The following IL10RB variants were observed in gnomAD, a reference collection of about 807,000 sequenced individuals.
IL10RB encodes the protein interleukin-10 receptor subunit beta.
In IL10RB, 30 loss-of-function variants were observed where a neutral mutation model predicts 38.7. The observed-to-expected ratio is 0.78, with a 90% confidence interval of 0.58 to 1.05. IL10RB has a LOEUF of 1.05. Ranked by LOEUF, IL10RB falls within the 50% of genes least tolerant of loss-of-function variation. The probability of loss-of-function intolerance (pLI) is 0.00; values close to 1 mark genes in which losing one functional copy is unlikely to be tolerated. For synonymous variants in IL10RB, 142 were observed against 145.9 expected (o/e 0.97, Z 0.19); for missense variants, 328 against 397.1 (o/e 0.83, Z 1.48).
chr21:33,274,100 A>G (rs1408916446), intron 2 of IL10RB, among the ~76,000 whole-genome samples: 1 of 152,178 alleles, frequency 6.6e-6, no homozygotes, highest in Non-Finnish European at 1.5e-5. Flanking sequence ...GAGGTTTTCA[A>G]TTTACCTTGC....
chr21:33,306,595 C>T (rs1052636676), intron 1 of IL10RB, among the ~76,000 whole-genome samples: 5 of 152,018 alleles, frequency 3.3e-5, no homozygotes, highest in Admixed American at 6.6e-5. Flanking sequence ...TGCAGTGGTG[C>T]GATCATGGCT....
chr21:33,302,945 G>T (rs555572937), intron 1 of IL10RB, among the ~76,000 whole-genome samples: 1 of 152,194 alleles, frequency 6.6e-6, no homozygotes. Flanking sequence ...ACCAGAACTG[G>T]CATAGCCAGT....
intron 6 of IL10RB, among the ~76,000 whole-genome samples, chr21:33,291,802 C>T (rs989910970): frequency 6.6e-6 from 1 of 152,148 alleles, no homozygotes; most frequent in East Asian, 1.9e-4. Flanking sequence ...CGGGGAATGC[C>T]GTCATATCAG....
At chr21:33,285,834 C>T (rs982432626) in intron 5 of IL10RB, among the ~76,000 whole-genome samples, 5 of 152,200 alleles carry the variant, frequency 3.3e-5, no homozygotes, top group African/African-American at 7.2e-5. Flanking sequence ...GGAGACCTCA[C>T]GTGTCCAGCT....
intron 4 of IL10RB, among the ~76,000 whole-genome samples, 167 bp downstream of exon 4, chr21:33,280,085 G>A (rs1190170364): frequency 2.0e-5 from 3 of 152,204 alleles, no homozygotes; most frequent in Non-Finnish European, 4.4e-5. Flanking sequence ...TAAGGGATAT[G>A]TGTAGAGCAG....
At chr21:33,291,963 T>A (rs573649116) in intron 6 of IL10RB, among the ~76,000 whole-genome samples, 9 of 152,288 alleles carry the variant, frequency 5.9e-5, no homozygotes, top group Non-Finnish European at 8.8e-5. Context: ...CCCTGTGCCA[T>A]GTACAGGTGA....
At chr21:33,268,980 A>G (rs996408557) in intron 2 of IL10RB, among the ~76,000 whole-genome samples, 6 of 152,336 alleles carry the variant, frequency 3.9e-5, no homozygotes, top group Admixed American at 3.9e-4. Context: ...CCTTGCTACC[A>G]TATATCACCT....
chr21:33,284,289 C>T (rs1324423711), intron 5 of IL10RB, among the ~76,000 whole-genome samples: 1 of 136,702 alleles, frequency 7.3e-6, no homozygotes, highest in Non-Finnish European at 1.5e-5. Flanking sequence ...AGAGTGAGAC[C>T]CTGCCTCAAA....
At chr21:33,274,934 TAGATGACATCTTAATAGA>T (rs1989142394) in intron 2 of IL10RB, among the ~76,000 whole-genome samples, 2 of 152,196 alleles carry the variant, frequency 1.3e-5, no homozygotes, top group African/African-American at 4.8e-5. Context: ...ATGAAAGTCC[TAGATGACATCTTAATAGA>T]AGGTTGTTTC....
chr21:33,275,850 A>G (rs1208300362), intron 2 of IL10RB, among the ~76,000 whole-genome samples: 1 of 152,256 alleles, frequency 6.6e-6, no homozygotes, highest in Non-Finnish European at 1.5e-5. Context: ...CACTCACAAC[A>G]TCTATTGATT....
intron 6 of IL10RB, among the ~76,000 whole-genome samples, chr21:33,295,483 C>T (rs2082961191): frequency 1.3e-5 from 2 of 151,008 alleles, no homozygotes; most frequent in Admixed American, 1.3e-4. Flanking sequence ...ACCAGCCTGG[C>T]CAGCGTGGTG....
intron 1 of IL10RB, chr21:33,308,151 C>T (rs965762742): frequency 1.3e-5 from 2 of 152,228 alleles, no homozygotes; most frequent in African/African-American, 4.8e-5. Flanking sequence ...ACTGTGCCCT[C>T]TCAGCTGATG....
At chr21:33,278,278 C>T (rs910454097) in intron 3 of IL10RB, among the ~76,000 whole-genome samples, 10 of 152,038 alleles carry the variant, frequency 6.6e-5, no homozygotes, top group Non-Finnish European at 1.2e-4. Context: ...TGCTCTGGAC[C>T]CCCATGACCC....
chr21:33,299,643 G>A (rs540676452), downstream of IL10RB, among the ~76,000 whole-genome samples: 2 of 152,328 alleles, frequency 1.3e-5, no homozygotes, highest in East Asian at 1.9e-4. Flanking sequence ...GGTCTCAGCC[G>A]TAGCTGCACA....
intron 5 of IL10RB, among the ~76,000 whole-genome samples, chr21:33,287,346 G>GTTTT (rs1168394463): frequency 1.3e-5 from 2 of 151,698 alleles, no homozygotes; most frequent in Non-Finnish European, 2.9e-5. Context: ...GCAGGGGTTT[G>GTTTT]TTTGTTTTGG....
chr21:33,284,193 G>A (rs1989331417), intron 5 of IL10RB, among the ~76,000 whole-genome samples: 1 of 151,722 alleles, frequency 6.6e-6, no homozygotes, highest in Non-Finnish European at 1.5e-5. Flanking sequence ...CTACTTGGGA[G>A]GCTGAGGTGG....
intron 4 of IL10RB, among the ~76,000 whole-genome samples, chr21:33,282,697 C>G (rs970133467): frequency 4.6e-5 from 7 of 152,082 alleles, no homozygotes; most frequent in Non-Finnish European, 1.5e-5. Flanking sequence ...GATTCTCGTG[C>G]GCCACCACGC....
chr21:33,276,636 A>G lies in IL10RB; in HGVS notation c.214A>G (p.Thr72Ala). ...AGATAAATGCATGAATACTACCTTG[A>G]CGGAATGTGATTTCTCAAGTCTTTC... ...FQDKCMNTTL[T>A]ECDFSSLSKY... is the part of the protein sequence containing the mutation. The change falls in exon 3 of 7, where the codon ACG becomes GCG. Residue 72 changes from threonine (T) to alanine (A), a missense_variant. Transcript: ENST00000290200. 6.2e-7 allele frequency: 1 copy of G among 1,613,276 alleles called. No individual in the cohort carries two copies. Among genetic ancestry groups the G allele is most frequent in the Non-Finnish European group, 8.5e-7 (1 of 1,179,210 alleles).
At chr21:33,277,158 C>T (rs557970676) in intron 3 of IL10RB, among the ~76,000 whole-genome samples, 26 of 152,032 alleles carry the variant, frequency 1.7e-4, no homozygotes, top group Admixed American at 5.2e-4. Context: ...AAATATGATG[C>T]GGACAGCCGG....
Sources: gnomAD v4.1 joint callset for allele counts (sites outside exome capture counted in the v4.1 genomes callset) on GRCh38, gnomAD v4.1.1 for gene constraint, MANE v1.5 for transcripts, NCBI Gene and HGNC (gene_info 2026-07-23, HGNC 2026-07-21) for gene names.